XPO6: variants seen among roughly 807,000 people sequenced by gnomAD.
XPO6 encodes the protein exportin-6.
Under a neutral mutation model 130.0 loss-of-function variants are expected in XPO6, and 3 were observed. The observed-to-expected ratio is 0.02, with a 90% confidence interval of 0.01 to 0.06. The LOEUF (loss-of-function observed/expected upper bound fraction) is 0.06, where lower values mean the gene tolerates loss of function less well. Ranked by LOEUF, XPO6 falls within the 10% of genes least tolerant of loss-of-function variation. The pLI is 1.00. For synonymous variants in XPO6, 524 were observed against 548.9 expected, an observed-to-expected ratio of 0.95 and a Z score of 0.63; for missense variants, 970 against 1,393.0, an observed-to-expected ratio of 0.70 and a Z score of 4.83.
intron 7 of XPO6, chr16:28,154,141 G>C: frequency 1.0e-6 from 1 of 984,330 alleles, no homozygotes; most frequent in Non-Finnish European, 1.2e-6. Flanking sequence ...CTCAAGAGTA[G>C]GAACTCCTTC....
In XPO6 at chr16:28,112,069, C is replaced by G; in HGVS notation, c.2152-63G>C. On this transcript the variant is annotated intron_variant, in intron 16 of 23. Transcript: ENST00000304658. ...GCCAAAGACCGTGGTGCGGCATGCC[C>G]AACACAGCCTTCAGCACCCGCTGGC... is the stretch of plus-strand genomic sequence containing the variant. The G allele has an allele frequency of 1.3e-6, 2 of 1,528,244 alleles. 1 individual carries two copies. Among genetic ancestry groups the G allele is most frequent in the South Asian group, 2.4e-5 (2 of 82,096 alleles). 94.7% of individuals were successfully genotyped at this position (1,528,244 alleles called of 1,614,324 possible).
At chr16:28,197,804 A>G (rs7187366) in intron 1 of XPO6, among the ~76,000 whole-genome samples, 8,843 of 151,364 alleles carry the variant, frequency 0.058, 649 homozygotes, top group East Asian at 0.17. Context: ...CTGCAGTACC[A>G]GCTACTTGGG....
Position 28,121,571 on chromosome 16 carries a change from C to T in XPO6, c.1859+99G>A, listed in dbSNP as rs1256314731. ...GCAGTTTAAGAGTTTTTCCCTGATT[C>T]ATGGCAGCCACTACTGTTCCTTTTT... On this transcript the variant is annotated intron_variant, in intron 14 of 23. Coordinates refer to ENST00000304658, the MANE Select transcript of XPO6 (RefSeq NM_015171.4). 4.4e-6 allele frequency: 4 copies of T among 904,918 alleles called. No individual in the cohort carries two copies. In the African/African-American group the frequency reaches 6.6e-5, roughly 15 times the overall value. The allele number at this position is 904,918 out of a possible 1,614,324, so 56.1% of individuals were successfully genotyped here.
At chr16:28,206,278 C>T (rs531629305) in intron 1 of XPO6, among the ~76,000 whole-genome samples, 4 of 152,124 alleles carry the variant, frequency 2.6e-5, no homozygotes, top group East Asian at 1.9e-4. Flanking sequence ...TGGTGGCTCG[C>T]GCCTGTGATC....
chr16:28,098,459 C>A lies in XPO6; in HGVS notation c.*79G>T, dbSNP rs2086580744. 13 of 1,314,184 alleles carry A rather than the reference C, an allele frequency of 9.9e-6. No homozygotes were observed. The highest frequency in any genetic ancestry group is 1.4e-5 in the Non-Finnish European group (13 of 935,566). The allele number at this position is 1,314,184 out of a possible 1,614,324, so 81.4% of individuals were successfully genotyped here. A position where few individuals can be genotyped will look rare whatever the true frequency, so the allele number is the denominator to read the frequency against. The stretch of plus-strand genomic sequence containing the variant: ...GCCAAGGAGTGTGACCAAGGCCCAT[C>A]TGGGAGACATCTGTGGTGGAAGGTA... On this transcript the variant is annotated 3_prime_UTR_variant, in exon 24 of 24. Transcript: ENST00000304658.
chr16:28,101,141 A>G lies in XPO6; in HGVS notation c.3276+317T>C. On this transcript the variant is annotated intron_variant, in intron 23 of 23. Coordinates refer to ENST00000304658, the MANE Select transcript of XPO6 (RefSeq NM_015171.4). This position sits in a 1 kb window ranked among gnomAD's most constrained non-coding sequence, Gnocchi z 5.4. ...CTGGCCCCACCGGGGCTCATCACCC[A>G]GGAGGGAGAACGGCAGGGTCCTGGG... is the stretch of plus-strand genomic sequence containing the variant. 2.3e-6 allele frequency: 1 copy of G among 429,596 alleles called. No homozygotes were observed. The highest frequency in any genetic ancestry group is 4.4e-6 in the Non-Finnish European group (1 of 228,170). 26.6% of individuals were successfully genotyped at this position (429,596 alleles called of 1,614,324 possible).
rs761566753 is a variant in XPO6, at chr16:28,111,882, G to A, written c.2276C>T (p.Ser759Phe). Residue 759 changes from serine to phenylalanine, a missense_variant, in exon 17 of 24, where the codon TCC (serine) becomes TTC (phenylalanine). Around this residue, in one of 4 missense-constraint regions of XPO6, gnomAD observed 936 missense variants for 1,306.8 expected, o/e 0.72. Coordinates refer to ENST00000304658, the MANE Select transcript of XPO6 (RefSeq NM_015171.4). ...INHASLISALSRDYRNLKPSA... is the reference protein window; with the variant it reads ...INHASLISALFRDYRNLKPSA... Reference sequence around the variant, plus strand: ...GGGCTTCAGGTTGCGATAGTCCCGGGAGAGTGCAGAGATGAGGCTGGCGTG... The same window carrying A: ...GGGCTTCAGGTTGCGATAGTCCCGGAAGAGTGCAGAGATGAGGCTGGCGTG... 6.2e-6 allele frequency: 10 copies of A among 1,614,206 alleles called. No individual in the cohort carries two copies. The highest frequency in any genetic ancestry group is 1.7e-5 in the Admixed American group (1 of 60,030).
At chr16:28,172,626 A>C (rs1465445036) in intron 4 of XPO6, among the ~76,000 whole-genome samples, 2 of 152,080 alleles carry the variant, frequency 1.3e-5, no homozygotes, top group Non-Finnish European at 2.9e-5. Flanking sequence ...GGTATAACCA[A>C]CCCACCGCAC....
chr16:28,188,410 G>A (rs28622138), intron 1 of XPO6, among the ~76,000 whole-genome samples: 151,360 of 152,252 alleles, frequency 0.99, 75,249 homozygotes, highest in Middle Eastern at 1. Context: ...ATCCCAGAGT[G>A]CCATTCAAAT....
intron 1 of XPO6, among the ~76,000 whole-genome samples, chr16:28,206,334 A>C (rs928480142): frequency 6.6e-6 from 1 of 152,074 alleles, no homozygotes; most frequent in African/African-American, 2.4e-5. Flanking sequence ...TGAGATCAGA[A>C]GTTCAAGACC....
intron 14 of XPO6, among the ~76,000 whole-genome samples, chr16:28,120,981 T>A (rs984654384): frequency 1.3e-5 from 2 of 152,280 alleles, no homozygotes; most frequent in African/African-American, 4.8e-5. Context: ...GCAAAGGCCA[T>A]AGTTTGCCAA....
At chr16:28,115,827 G>A (rs2087039912) in intron 15 of XPO6, among the ~76,000 whole-genome samples, 1 of 152,226 alleles carries the variant, frequency 6.6e-6, no homozygotes. Context: ...TAGAACTTCT[G>A]GAGAACTTGC....
intron 13 of XPO6, among the ~76,000 whole-genome samples, chr16:28,122,674 C>T (rs891720737): frequency 5.3e-5 from 8 of 151,760 alleles, no homozygotes; most frequent in Non-Finnish European, 7.4e-5. Flanking sequence ...GGCAGTTTAT[C>T]GAAATAGGAT....
At chr16:28,113,183 G>A in intron 15 of XPO6, 133 bp from the exon 16 acceptor site, 1 of 1,167,786 alleles carries the variant, frequency 8.6e-7, no homozygotes, top group Non-Finnish European at 1.2e-6. Context: ...TCTAGCTCAA[G>A]AATTTTTCCT....
At chr16:28,203,572 C>A (rs1267466178) in intron 1 of XPO6, among the ~76,000 whole-genome samples, 2 of 152,198 alleles carry the variant, frequency 1.3e-5, no homozygotes, top group African/African-American at 4.8e-5. Flanking sequence ...ATTTCATCAG[C>A]ACATGGCCCA....
intron 17 of XPO6, among the ~76,000 whole-genome samples, chr16:28,108,788 C>T (rs1047774441): frequency 3.3e-5 from 5 of 152,196 alleles, no homozygotes; most frequent in African/African-American, 9.6e-5. Context: ...GGAAGGGGTA[C>T]GGCAGAAAGA....
intron 1 of XPO6, among the ~76,000 whole-genome samples, chr16:28,207,606 A>G (rs961725055): frequency 6.6e-6 from 1 of 152,222 alleles, no homozygotes; most frequent in African/African-American, 2.4e-5. Flanking sequence ...CATACTCCCT[A>G]TGCTCCACCA....
chr16:28,170,332 CAAAA>C (rs10638478), intron 4 of XPO6, among the ~76,000 whole-genome samples: 5 of 81,330 alleles, frequency 6.1e-5, no homozygotes, highest in Admixed American at 1.2e-4. Context: ...AACTCTGTCT[CAAAA>C]AAAAAAAAAA....
chr16:28,109,646 T>C (rs368769713), intron 17 of XPO6, among the ~76,000 whole-genome samples: 2 of 152,160 alleles, frequency 1.3e-5, no homozygotes, highest in South Asian at 4.1e-4. Flanking sequence ...GCTTCAAAAA[T>C]GCCAATGTCA....
Sources: allele counts gnomAD v4.1 joint callset (sites outside exome capture counted in the v4.1 genomes callset), GRCh38; gene constraint gnomAD v4.1.1; regional missense constraint gnomAD v4.1.1; non-coding constraint Gnocchi (gnomAD v3.1); transcripts MANE v1.5; gene names NCBI Gene and HGNC (gene_info 2026-07-23, HGNC 2026-07-21).